CEP170: variants seen among roughly 807,000 people sequenced by gnomAD.
CEP170 encodes centrosomal protein of 170 kDa.
Under a neutral mutation model 151.9 loss-of-function variants are expected in CEP170, and 21 were observed. That is an observed-to-expected ratio of 0.14 (90% CI 0.10 to 0.20). CEP170 has a LOEUF of 0.20. Among genes scored for constraint, CEP170 ranks in the 10% least tolerant of loss-of-function variants. The probability of loss-of-function intolerance (pLI) is 1.00; values close to 1 mark genes in which losing one functional copy is unlikely to be tolerated. For missense variants in CEP170, 964 were observed against 1,892.9 expected (o/e 0.51, Z 9.11); for synonymous variants, 356 against 648.8 (o/e 0.55, Z 6.86).
intron 4 of CEP170, among the ~76,000 whole-genome samples, chr1:243,204,547 A>C (rs1008600757): frequency 2.0e-5 from 3 of 152,198 alleles, no homozygotes; most frequent in African/African-American, 7.2e-5. Context: ...GATTCAAGAT[A>C]TTTAAGTAAT....
At chr1:243,221,923 C>G in intron 2 of CEP170, 110 bp from the exon 3 acceptor site, 1 of 905,792 alleles carries the variant, frequency 1.1e-6, no homozygotes, top group Non-Finnish European at 1.6e-6. Flanking sequence ...AGGGAAATAT[C>G]AAAGTAAGTG....
intron 11 of CEP170, among the ~76,000 whole-genome samples, chr1:243,170,870 C>T (rs1026776742): frequency 5.9e-5 from 9 of 152,222 alleles, no homozygotes; most frequent in Admixed American, 1.3e-4. Flanking sequence ...CCTGCTGCAT[C>T]CTTAATCCCA....
At chr1:243,195,148 T>C (rs923338743) in intron 7 of CEP170, among the ~76,000 whole-genome samples, 2 of 151,818 alleles carry the variant, frequency 1.3e-5, no homozygotes, top group East Asian at 1.9e-4. Context: ...TTAAGAAGAC[T>C]GGGAAGCTCC....
Position 243,146,204 on chromosome 1 carries a change from CT to C in CEP170, c.3912-3742del, listed in dbSNP as rs572217621. On this transcript the variant is annotated intron_variant, in intron 14 of 19. Transcript: ENST00000366542. Reference sequence around the variant, plus strand: ...TATGAACTCGTTTGGAACACAGGCTCTGTGTTTTAGGTTTATTTGCCTCCCC... The same window carrying C: ...TATGAACTCGTTTGGAACACAGGCTCGTGTTTTAGGTTTATTTGCCTCCCC... Among the ~76,000 whole-genome samples, 544 of 152,204 alleles carry C rather than the reference CT, an allele frequency of 3.6e-3. 5 individuals carry two copies. The highest frequency in any genetic ancestry group is 0.012 in the African/African-American group (502 of 41,546).
chr1:243,143,056 A>G (rs1180676131), intron 14 of CEP170, among the ~76,000 whole-genome samples: 1 of 152,120 alleles, frequency 6.6e-6, no homozygotes, highest in Non-Finnish European at 1.5e-5. Context: ...TTAATAAAGA[A>G]CCATAAATTA....
chr1:243,137,788 A>C (rs1413608790), intron 16 of CEP170, among the ~76,000 whole-genome samples: 1 of 152,034 alleles, frequency 6.6e-6, no homozygotes, highest in African/African-American at 2.4e-5. Context: ...TTAAAAAAAA[A>C]AAAAAAAAAG....
chr1:243,146,274 T>C (rs1316770484), intron 14 of CEP170, among the ~76,000 whole-genome samples: 1 of 152,172 alleles, frequency 6.6e-6, no homozygotes, highest in African/African-American at 2.4e-5. Flanking sequence ...AAGTATGATT[T>C]ATAATAGGAT....
chr1:243,194,527 C>G (rs1227751150), intron 7 of CEP170, among the ~76,000 whole-genome samples: 1 of 151,772 alleles, frequency 6.6e-6, no homozygotes. Context: ...AAAAAACTAT[C>G]AACTGTAAAA....
intron 10 of CEP170, among the ~76,000 whole-genome samples, chr1:243,175,946 G>A (rs1263213354): frequency 6.6e-6 from 1 of 152,040 alleles, no homozygotes; most frequent in African/African-American, 2.4e-5. Context: ...ACAGGCGCCC[G>A]CCACTACGCC....
At chr1:243,206,702 C>T (rs1387912334) in intron 4 of CEP170, among the ~76,000 whole-genome samples, 2 of 152,118 alleles carry the variant, frequency 1.3e-5, no homozygotes, top group Non-Finnish European at 2.9e-5. Context: ...ATTTAAACCT[C>T]TTTAAATGAC....
chr1:243,207,715 G>A (rs1424467785), intron 4 of CEP170, among the ~76,000 whole-genome samples: 1 of 148,972 alleles, frequency 6.7e-6, no homozygotes, highest in Non-Finnish European at 1.5e-5. Flanking sequence ...TTAGAAATCA[G>A]TAACAGAAAT....
At chr1:243,218,391 G>A (rs6659855) in intron 3 of CEP170, among the ~76,000 whole-genome samples, 145,948 of 152,314 alleles carry the variant, frequency 0.96, 70,248 homozygotes, top group East Asian at 1. Flanking sequence ...AGGAGGCAGG[G>A]GGAACTGAAG....
Position 243,169,622 on chromosome 1 carries a change from G to C in CEP170, c.1843+6C>G, listed in dbSNP as rs2058692654. The C allele has an allele frequency of 1.3e-6, 2 of 1,572,016 alleles. No individual in the cohort carries two copies. Among genetic ancestry groups the C allele is most frequent in the Non-Finnish European group, 8.6e-7 (1 of 1,158,060 alleles). The stretch of plus-strand genomic sequence containing the variant: ...GGATAAAGAATGAAAGAGAGAAAGA[G>C]AATACCATTCTCTAAAGGAAGAGGT... On this transcript the variant is annotated splice_donor_region_variant and intron_variant, in intron 12 of 19. Transcript: ENST00000366542.
chr1:243,246,656 A>C (rs955234400), intron 1 of CEP170, among the ~76,000 whole-genome samples: 8 of 152,226 alleles, frequency 5.3e-5, no homozygotes, highest in Non-Finnish European at 2.9e-5. Context: ...CTTCATGATA[A>C]AATGTTACCA....
At chr1:243,245,231 G>A (rs1366867090) in intron 1 of CEP170, among the ~76,000 whole-genome samples, 2 of 151,920 alleles carry the variant, frequency 1.3e-5, no homozygotes, top group African/African-American at 4.8e-5. Context: ...AATGTCAAGT[G>A]TTATTGATAA....
At chr1:243,201,741 T>C (rs540804827) in intron 4 of CEP170, among the ~76,000 whole-genome samples, 2 of 152,226 alleles carry the variant, frequency 1.3e-5, no homozygotes, top group East Asian at 1.9e-4. Context: ...AAATTCAGAA[T>C]TGTAAATATG....
chr1:243,157,722 G>A (rs2057684689), intron 13 of CEP170, among the ~76,000 whole-genome samples: 1 of 152,104 alleles, frequency 6.6e-6, no homozygotes, highest in Non-Finnish European at 1.5e-5. Context: ...ATTTTCAGCT[G>A]GGGATCTCTA....
At chr1:243,190,129 A>C (rs936299560) in intron 8 of CEP170, among the ~76,000 whole-genome samples, 22 of 152,182 alleles carry the variant, frequency 1.4e-4, no homozygotes, top group African/African-American at 4.6e-4. Flanking sequence ...TCAAATTAGT[A>C]CCTATCACAT....
chr1:243,213,127 T>A (rs2061966846), intron 3 of CEP170, among the ~76,000 whole-genome samples: 1 of 152,206 alleles, frequency 6.6e-6, no homozygotes, highest in African/African-American at 2.4e-5. Flanking sequence ...TTTTCTTTTT[T>A]TGGTACTATG....
Sources: gnomAD v4.1 joint callset for allele counts (sites outside exome capture counted in the v4.1 genomes callset) on GRCh38, gnomAD v4.1.1 for gene constraint, MANE v1.5 for transcripts, NCBI Gene and HGNC (gene_info 2026-07-23, HGNC 2026-07-21) for gene names.